The following GRM5 variants were observed in gnomAD, a reference collection of about 807,000 sequenced individuals.
GRM5 encodes the protein metabotropic glutamate receptor 5.
Under a neutral mutation model 83.1 loss-of-function variants are expected in GRM5, and 19 were observed. That is an observed-to-expected ratio of 0.23 (90% CI 0.16 to 0.34). GRM5 has a LOEUF of 0.34. Ranked by LOEUF, GRM5 falls within the 10% of genes least tolerant of loss-of-function variation. The probability of loss-of-function intolerance (pLI) is 1.00; values close to 1 mark genes in which losing one functional copy is unlikely to be tolerated. For missense variants in GRM5, 1,160 were observed against 1,588.3 expected (o/e 0.73, Z 4.58); for synonymous variants, 675 against 633.6 (o/e 1.07, Z -0.98).
intron 3 of GRM5, among the ~76,000 whole-genome samples, chr11:88,760,119 TAGAA>T (rs1942481156): frequency 6.6e-6 from 1 of 152,052 alleles, no homozygotes; most frequent in Non-Finnish European, 1.5e-5. Context: ...ATCAAAAAGT[TAGAA>T]AGATTTCAAT....
intron 2 of GRM5, among the ~76,000 whole-genome samples, chr11:88,868,557 A>C (rs1344820573): frequency 2.0e-5 from 3 of 151,742 alleles, no homozygotes; most frequent in Non-Finnish European, 4.4e-5. Flanking sequence ...TGTTTGTCAC[A>C]ACTATGACAC....
intron 3 of GRM5, among the ~76,000 whole-genome samples, chr11:88,678,762 A>G (rs1221809272): frequency 6.6e-6 from 1 of 152,216 alleles, no homozygotes; most frequent in Non-Finnish European, 1.5e-5. Flanking sequence ...AATTCCATGA[A>G]TAGTGAACAT....
chr11:88,827,492 T>C (rs1943912404), intron 3 of GRM5, among the ~76,000 whole-genome samples: 2 of 152,148 alleles, frequency 1.3e-5, no homozygotes, highest in South Asian at 2.1e-4. Flanking sequence ...AAATGAAGAG[T>C]CAGCTAGTTC....
At chr11:88,961,043 T>C (rs1461214372) in intron 2 of GRM5, among the ~76,000 whole-genome samples, 1 of 152,196 alleles carries the variant, frequency 6.6e-6, no homozygotes, top group East Asian at 1.9e-4. Flanking sequence ...TGTTCAACTT[T>C]GGGGCCTAAA....
intron 3 of GRM5, among the ~76,000 whole-genome samples, chr11:88,765,792 G>A (rs1254706082): frequency 6.6e-6 from 1 of 151,772 alleles, no homozygotes; most frequent in African/African-American, 2.4e-5. Flanking sequence ...GGAATGATTT[G>A]TTGGATATAA....
At chr11:88,654,601 A>G (rs1939720549) in intron 3 of GRM5, among the ~76,000 whole-genome samples, 1 of 152,124 alleles carries the variant, frequency 6.6e-6, no homozygotes, top group African/African-American at 2.4e-5. Flanking sequence ...CTAAATGCAA[A>G]GCAGGAAAAA....
intron 2 of GRM5, among the ~76,000 whole-genome samples, chr11:88,933,994 AT>A (rs760058403): frequency 6.6e-6 from 1 of 151,780 alleles, no homozygotes; most frequent in African/African-American, 2.4e-5. Context: ...AGGACAGATA[AT>A]AAGATCTGTC....
intron 3 of GRM5, among the ~76,000 whole-genome samples, chr11:88,666,865 T>C (rs1045391774): frequency 6.6e-6 from 1 of 152,164 alleles, no homozygotes; most frequent in Admixed American, 6.5e-5. Context: ...TTTTTATACA[T>C]GTTGTCTATC....
intron 3 of GRM5, among the ~76,000 whole-genome samples, chr11:88,680,046 G>T (rs1565183624): frequency 6.6e-6 from 1 of 152,064 alleles, no homozygotes; most frequent in Non-Finnish European, 1.5e-5. Flanking sequence ...ATCTATGGGG[G>T]TTAATTCTGT....
At chr11:88,866,517 A>G (rs1944668810) in intron 2 of GRM5, among the ~76,000 whole-genome samples, 1 of 151,886 alleles carries the variant, frequency 6.6e-6, no homozygotes, top group Non-Finnish European at 1.5e-5. Flanking sequence ...AAACCTGCAC[A>G]TTCTGCACAT....
intron 2 of GRM5, among the ~76,000 whole-genome samples, chr11:88,905,500 C>T (rs1295674031): frequency 6.6e-6 from 1 of 152,034 alleles, no homozygotes; most frequent in Non-Finnish European, 1.5e-5. Flanking sequence ...CATCATTACA[C>T]CTGGCTAATT....
chr11:88,860,014 C>A (rs1185641775), intron 2 of GRM5, among the ~76,000 whole-genome samples: 1 of 152,196 alleles, frequency 6.6e-6, no homozygotes, highest in East Asian at 1.9e-4. Context: ...ACCATATTAT[C>A]TTGTATTAGT....
intron 1 of GRM5, among the ~76,000 whole-genome samples, chr11:89,062,373 C>CAA (rs1183517033): frequency 6.6e-6 from 1 of 152,206 alleles, no homozygotes; most frequent in Admixed American, 6.5e-5. Context: ...GGAGGAAGGG[C>CAA]TGCACGTAGT....
At chr11:88,583,713 A>G (rs1352436631) in intron 7 of GRM5, among the ~76,000 whole-genome samples, 5 of 152,234 alleles carry the variant, frequency 3.3e-5, no homozygotes, top group Non-Finnish European at 5.9e-5. Context: ...TACAAAACAA[A>G]TAAAAAATTC....
intron 2 of GRM5, among the ~76,000 whole-genome samples, chr11:88,984,057 A>C (rs1939611392): frequency 6.6e-6 from 1 of 152,162 alleles, no homozygotes; most frequent in South Asian, 2.1e-4. Flanking sequence ...AAAAAACTTA[A>C]AGTTTATAAA....
intron 2 of GRM5, among the ~76,000 whole-genome samples, chr11:88,958,136 C>A (rs957315877): frequency 6.6e-6 from 1 of 151,750 alleles, no homozygotes; most frequent in African/African-American, 2.4e-5. Flanking sequence ...CAGAAAGAAG[C>A]CTTCAGGAGT....
At chr11:89,062,171 C>A (rs937193629) in intron 1 of GRM5, among the ~76,000 whole-genome samples, 2 of 152,118 alleles carry the variant, frequency 1.3e-5, no homozygotes. Context: ...ACAGAAATAG[C>A]CACAATTGAT....
chr11:88,601,730 A>G (rs1033673352), intron 5 of GRM5, among the ~76,000 whole-genome samples: 5 of 152,116 alleles, frequency 3.3e-5, no homozygotes, highest in Admixed American at 6.5e-5. Flanking sequence ...ATTATGGTCA[A>G]TTCCGGGTGG....
At chr11:88,538,554 A>C (rs1283505844) in intron 8 of GRM5, among the ~76,000 whole-genome samples, 3 of 152,226 alleles carry the variant, frequency 2.0e-5, no homozygotes, top group Non-Finnish European at 4.4e-5. Context: ...ATTTTCAGAC[A>C]GATAACCTTA....
Sources: gnomAD v4.1 joint callset for allele counts (sites outside exome capture counted in the v4.1 genomes callset) on GRCh38, gnomAD v4.1.1 for gene constraint, MANE v1.5 for transcripts, NCBI Gene and HGNC (gene_info 2026-07-23, HGNC 2026-07-21) for gene names.